The following HNRNPL variants were observed in gnomAD, a reference collection of about 807,000 sequenced individuals.
HNRNPL encodes heterogeneous nuclear ribonucleoprotein L.
Under a neutral mutation model 64.0 loss-of-function variants are expected in HNRNPL, and 12 were observed. That is an observed-to-expected ratio of 0.19 (90% confidence interval 0.12 to 0.30). The LOEUF (loss-of-function observed/expected upper bound fraction) is 0.30. Ranked by LOEUF, HNRNPL falls within the 10% of genes least tolerant of loss-of-function variation. The pLI, the probability that HNRNPL is intolerant of heterozygous loss-of-function variation, is 1.00. For missense variants in HNRNPL, 484 were observed against 797.4 expected (o/e 0.61, Z 4.73); for synonymous variants, 385 against 313.0 (o/e 1.23, Z -2.43).
At chr19:38,843,953 T>C (rs1339734401) in intron 5 of HNRNPL, 39 bp from the exon 6 acceptor site, 2 of 1,609,888 alleles carry the variant, frequency 1.2e-6, no homozygotes, top group Admixed American at 3.3e-5. Context: ...AGGTCAGCCA[T>C]GCCCCAGCTC....
At chr19:38,848,051 T>C (rs1972359871) in intron 1 of HNRNPL, among the ~76,000 whole-genome samples, 1 of 152,152 alleles carries the variant, frequency 6.6e-6, no homozygotes, top group Admixed American at 6.6e-5. Context: ...GCTTTGGAAA[T>C]TACTGCCTAG....
chr19:38,850,043 G>T, upstream of HNRNPL: 2 of 1,241,822 alleles, frequency 1.6e-6, no homozygotes, highest in Non-Finnish European at 1.0e-6. Context: ...CCACCCGATA[G>T]GGGGAGCCAC....
At position 38,836,693 on chromosome 19, in the gene HNRNPL, C is replaced by T; in HGVS notation, c.*29G>A. 6.6e-7 allele frequency: 1 copy of T among 1,517,910 alleles called. No individual in the cohort carries two copies. The highest frequency in any genetic ancestry group is 1.7e-4 in the Middle Eastern group (1 of 5,818). 94.0% of individuals were successfully genotyped at this position (1,517,910 alleles called of 1,614,324 possible). A position where few individuals can be genotyped will look rare whatever the true frequency, so the allele number is the denominator to read the frequency against. On this transcript the variant is annotated 3_prime_UTR_variant, in exon 13 of 13. Coordinates refer to ENST00000221419, the MANE Select transcript of HNRNPL (RefSeq NM_001533.3). ...TAAAGGAAAGAGAAATGTCTTCCTG[C>T]TCAGATGGGACTCTTCCTAGGCACC... is the stretch of plus-strand genomic sequence containing the variant.
At chr19:38,846,873 T>C (rs1430662659) in intron 2 of HNRNPL, among the ~76,000 whole-genome samples, 1 of 151,860 alleles carries the variant, frequency 6.6e-6, no homozygotes, top group African/African-American at 2.4e-5. Context: ...GTCACTGCAC[T>C]CCAGCCTGGG....
chr19:38,850,257 C>T, upstream of HNRNPL: 1 of 355,784 alleles, frequency 2.8e-6, no homozygotes. Context: ...CTGCTGGCCT[C>T]CCTAAAAGCA....
upstream of HNRNPL, among the ~76,000 whole-genome samples, chr19:38,850,595 G>A (rs1972477957): frequency 6.6e-6 from 1 of 152,220 alleles, no homozygotes; most frequent in South Asian, 2.1e-4. Flanking sequence ...AACGAGCGAA[G>A]GCGAGAACGC....
chr19:38,846,356 CA>C (rs545128025), intron 2 of HNRNPL, among the ~76,000 whole-genome samples: 1 of 152,208 alleles, frequency 6.6e-6, no homozygotes, highest in Non-Finnish European at 1.5e-5. Context: ...CTTGAGCTTA[CA>C]CTATGACAGT....
At chr19:38,850,896 G>A (rs1447964909), upstream of HNRNPL, among the ~76,000 whole-genome samples, 1 of 152,138 alleles carries the variant, frequency 6.6e-6, no homozygotes, top group African/African-American at 2.4e-5. Context: ...GCTCTTCCGC[G>A]CACTCTCCAT....
At chr19:38,842,894 G>A (rs1972162723) in intron 6 of HNRNPL, among the ~76,000 whole-genome samples, 1 of 152,208 alleles carries the variant, frequency 6.6e-6, no homozygotes, top group African/African-American at 2.4e-5. Flanking sequence ...TCTGTTAGCA[G>A]TCATGTAATG....
At chr19:38,849,387 G>T (rs761143702) in intron 1 of HNRNPL, 7 of 320,300 alleles carry the variant, frequency 2.2e-5, no homozygotes, top group African/African-American at 8.6e-5. Context: ...AATGATAAAG[G>T]GGAAAAAAAC....
chr19:38,838,589 C>A lies in HNRNPL; in HGVS notation c.1365G>T (p.Lys455Asn). 6.2e-7 allele frequency: 1 copy of A among 1,613,814 alleles called. No individual in the cohort carries two copies. The highest frequency in any genetic ancestry group is 8.5e-7 in the Non-Finnish European group (1 of 1,179,800). ...ACTGACCAGGCATGATGGCTGGCTG[C>A]TTGGAGACACTGCAGCAAGGAAGAA... is the stretch of plus-strand genomic sequence containing the variant. ...FGQKLNVCVS[K>N]QPAIMPGQSY... is the part of the protein sequence containing the mutation. Residue 455 changes from lysine to asparagine, a missense_variant, in exon 10 of 13, where the codon AAG (lysine) becomes AAT (asparagine). Physicochemically the swap from Lys to Asn is moderately conservative, Grantham distance 94 (BLOSUM62 0). Transcript: ENST00000221419.
At chr19:38,839,254 T>C (rs138853456) in intron 8 of HNRNPL, 46 of 512,152 alleles carry the variant, frequency 9.0e-5, no homozygotes, top group African/African-American at 6.1e-4. Context: ...TAGTGAAGCA[T>C]GACAGAAAAC....
rs1395164156 is a variant in HNRNPL at position 38,840,549 on chromosome 19, G to C, written c.891C>G (p.Gly297=). The change falls in exon 7 of 13, where the codon GGC becomes GGG. Residue 297 remains glycine, a synonymous_variant. Transcript: ENST00000221419. ...GCCTCTGGCGTTTGTTGGGGTTGCT[G>C]CCAGGGTCACCTGTGGAGAGAGAAA... is the stretch of plus-strand genomic sequence containing the variant. ...NPNLSGQGDP[G]SNPNKRQRQP... is the part of the protein sequence containing the mutation. 3.1e-6 allele frequency: 5 copies of C among 1,587,518 alleles called. No individual in the cohort carries two copies. The highest frequency in any genetic ancestry group is 4.3e-6 in the Non-Finnish European group (5 of 1,167,756).
intron 1 of HNRNPL, 116 bp from the exon 2 acceptor site, chr19:38,847,550 G>A (rs1328708297): frequency 1.9e-6 from 1 of 531,488 alleles, no homozygotes; most frequent in East Asian, 3.2e-5. Flanking sequence ...ATCCGTGAAG[G>A]ATGCACAGGA....
chr19:38,838,012 G>A (rs192970531), intron 10 of HNRNPL, among the ~76,000 whole-genome samples: 5 of 152,328 alleles, frequency 3.3e-5, no homozygotes, highest in Admixed American at 2.0e-4. Context: ...CCCCCTGACT[G>A]AGCTTTACAG....
intron 6 of HNRNPL, chr19:38,841,230 C>G (rs1972107304): frequency 3.5e-6 from 1 of 288,174 alleles, no homozygotes; most frequent in African/African-American, 2.2e-5. Flanking sequence ...TAATCACTGC[C>G]TTTAACTTAG....
At chr19:38,840,656 C>A (rs11083481) in intron 6 of HNRNPL, 97 bp from the exon 7 acceptor site, 947,030 of 965,346 alleles carry the variant, frequency 0.98, 464,602 homozygotes, top group East Asian at 1. Context: ...CAGCTCCTGC[C>A]AACTGCAAGC....
At chr19:38,851,242 G>A (rs993317416), upstream of HNRNPL, 6 of 152,402 alleles carry the variant, frequency 3.9e-5, no homozygotes, top group African/African-American at 1.4e-4. Flanking sequence ...GGCGGGGTAA[G>A]ACCACCCGCA....
At chr19:38,845,372 A>G (rs1972257682) in intron 4 of HNRNPL, 2 of 393,712 alleles carry the variant, frequency 5.1e-6, no homozygotes, top group Non-Finnish European at 9.3e-6. Flanking sequence ...ACTCCATCTC[A>G]ATAAATAAAT....
Sources: gnomAD v4.1 joint callset for allele counts (sites outside exome capture counted in the v4.1 genomes callset) on GRCh38, gnomAD v4.1.1 for gene constraint, MANE v1.5 for transcripts, NCBI Gene and HGNC (gene_info 2026-07-23, HGNC 2026-07-21) for gene names.